Variants in TRAP1 observed in about 807,000 individuals in gnomAD.
TRAP1 encodes TNF receptor associated protein 1, also known as heat shock protein 75 kDa, mitochondrial.
TRAP1 carries 102 observed loss-of-function variants against 89.1 expected under a neutral mutation model. That is an observed-to-expected ratio of 1.15 (90% CI 0.98 to 1.35). The LOEUF is 1.35. TRAP1 is among the 40% of genes most tolerant of loss of function. The pLI, the probability that TRAP1 is intolerant of heterozygous loss-of-function variation, is 0.00. For synonymous variants in TRAP1, 508 were observed against 388.0 expected (o/e 1.31, Z -3.64); for missense variants, 1,256 against 945.3 (o/e 1.33, Z -4.31).
At chr16:3,682,420 C>T (rs2051084472) in intron 4 of TRAP1, among the ~76,000 whole-genome samples, 1 of 151,480 alleles carries the variant, frequency 6.6e-6, no homozygotes, top group African/African-American at 2.4e-5. Flanking sequence ...CTCGCTCTGT[C>T]ACGCAGGCTA....
At chr16:3,702,063 C>G (rs2051372800) in intron 1 of TRAP1, among the ~76,000 whole-genome samples, 1 of 152,082 alleles carries the variant, frequency 6.6e-6, no homozygotes, top group Non-Finnish European at 1.5e-5. Context: ...CAAAAATTAG[C>G]TGGGTGTGGT....
intron 3 of TRAP1, among the ~76,000 whole-genome samples, chr16:3,688,351 G>A (rs2051165962): frequency 6.6e-6 from 1 of 152,078 alleles, no homozygotes; most frequent in Non-Finnish European, 1.5e-5. Flanking sequence ...CATACACACA[G>A]GACTGGGGAA....
chr16:3,703,043 G>GAAAAA (rs36093237), intron 1 of TRAP1, among the ~76,000 whole-genome samples: 4 of 43,506 alleles, frequency 9.2e-5, no homozygotes, highest in Non-Finnish European at 1.7e-4. Context: ...ACTCCGTCTT[G>GAAAAA]AAAAAAAAAA....
At position 3,690,947 on chromosome 16, in the gene TRAP1, A is replaced by C; in HGVS notation, c.127T>G (p.Leu43Val). The C allele has an allele frequency of 1.9e-6, 3 of 1,580,386 alleles. No individual in the cohort carries two copies. The highest frequency in any genetic ancestry group is 2.6e-6 in the Non-Finnish European group (3 of 1,164,924). Residue 43 changes from leucine (L) to valine (V), a missense_variant, in exon 2 of 18, where the codon TTG becomes GTG. Leu to Val is a conservative substitution (Grantham distance 32). Transcript: ENST00000246957. ...CAGGCTGGGTTTCGCCTGGGGCCCAACTGGGCTGTGGTCCTCCGAGGACAC... is the reference window on the plus strand; with the variant it reads ...CAGGCTGGGTTTCGCCTGGGGCCCACCTGGGCTGTGGTCCTCCGAGGACAC... The part of the protein sequence containing the change: ...ILCPRRTTAQ[L>V]GPRRNPAWSL...
intron 12 of TRAP1, chr16:3,665,441 CAAT>C (rs1410224718): frequency 6.5e-6 from 1 of 154,204 alleles, no homozygotes; most frequent in Admixed American, 6.3e-5. Flanking sequence ...AGTTGTATCT[CAAT>C]AAAAAATGGA....
chr16:3,710,735 T>C (rs2051517168), intron 1 of TRAP1, among the ~76,000 whole-genome samples: 1 of 152,106 alleles, frequency 6.6e-6, no homozygotes, highest in Admixed American at 6.6e-5. Context: ...ACACACATAG[T>C]TACATTAGAA....
intron 11 of TRAP1, among the ~76,000 whole-genome samples, chr16:3,671,243 A>AG (rs1206340476): frequency 2.6e-5 from 4 of 152,228 alleles, no homozygotes. Flanking sequence ...GTGAGAGCAC[A>AG]GGTCACTTGA....
At position 3,666,092 on chromosome 16, in the gene TRAP1, C is replaced by T. The variant is rs2050824104; in HGVS notation, c.1262G>A (p.Arg421Lys). ...IRKLRDVLQQ[R>K]LIKFFIDQSK... The stretch of plus-strand genomic sequence containing the variant: ...CTGGTCAATGAAGAATTTGATCAGC[C>T]TCTGCTGTAAAACGTCCCGGAGTTT... The change falls in exon 12 of 18, where the codon AGG becomes AAG. Residue 421 changes from arginine (R) to lysine (K), a missense_variant. Transcript: ENST00000246957. 1 of 1,613,550 alleles carries T rather than the reference C, an allele frequency of 6.2e-7. No homozygotes were observed. Among genetic ancestry groups the T allele is most frequent in the Non-Finnish European group, 8.5e-7 (1 of 1,179,870 alleles).
chr16:3,690,270 T>G (rs2051195567), intron 2 of TRAP1, among the ~76,000 whole-genome samples: 1 of 152,172 alleles, frequency 6.6e-6, no homozygotes, highest in Non-Finnish European at 1.5e-5. Flanking sequence ...CCTCCCAAAG[T>G]GCTGGGATTA....
At chr16:3,674,715 C>T (rs1292444337) in intron 8 of TRAP1, 2 of 589,594 alleles carry the variant, frequency 3.4e-6, no homozygotes, top group South Asian at 4.1e-5. Context: ...CTCAGGACAA[C>T]ATGTCAGGAG....
chr16:3,678,903 T>C (rs771616743), intron 5 of TRAP1, among the ~76,000 whole-genome samples: 1 of 152,206 alleles, frequency 6.6e-6, no homozygotes, highest in African/African-American at 2.4e-5. Flanking sequence ...GCAAAGTCGA[T>C]TCCCTGAGCC....
At chr16:3,677,365 G>T in intron 6 of TRAP1, 133 bp downstream of exon 6, 1 of 1,220,448 alleles carries the variant, frequency 8.2e-7, no homozygotes, top group Non-Finnish European at 1.1e-6. Flanking sequence ...TCCCCAAAAT[G>T]GGAGAGTCAG....
At chr16:3,703,155 C>G (rs1448945307) in intron 1 of TRAP1, among the ~76,000 whole-genome samples, 1 of 150,886 alleles carries the variant, frequency 6.6e-6, no homozygotes, top group Non-Finnish European at 1.5e-5. Context: ...TAAGAGACCC[C>G]AGGAACAAAA....
intron 4 of TRAP1, among the ~76,000 whole-genome samples, chr16:3,683,566 A>AT (rs952453113): frequency 1.3e-5 from 2 of 151,510 alleles, no homozygotes; most frequent in African/African-American, 4.9e-5. Context: ...TTGTATTTTT[A>AT]TTAGAGATGG....
chr16:3,664,665 GGAAGCACCTCCTGC>G, intron 12 of TRAP1: 1 of 568,624 alleles, frequency 1.8e-6, no homozygotes, highest in Non-Finnish European at 3.0e-6. Context: ...TGGGGGCTTA[GGAAGCACCTCCTGC>G]CCCAGGTGGC....
At chr16:3,663,096 G>A (rs916141495) in intron 14 of TRAP1, 129 bp from the exon 15 acceptor site, 3 of 748,930 alleles carry the variant, frequency 4.0e-6, no homozygotes, top group Admixed American at 5.7e-5. Flanking sequence ...CTAGCAAGAT[G>A]CTTTTCATCT....
At chr16:3,683,431 G>A (rs2051098748) in intron 4 of TRAP1, among the ~76,000 whole-genome samples, 1 of 147,744 alleles carries the variant, frequency 6.8e-6, no homozygotes, top group African/African-American at 2.5e-5. Flanking sequence ...TGTTGCCCAA[G>A]CTAGAGTGCA....
At chr16:3,683,142 G>A (rs1198534331) in intron 4 of TRAP1, among the ~76,000 whole-genome samples, 4 of 151,432 alleles carry the variant, frequency 2.6e-5, no homozygotes, top group East Asian at 2.0e-4. Flanking sequence ...GCACTCCAGC[G>A]TGGGCAACAA....
chr16:3,688,880 C>T (rs2051173563), intron 3 of TRAP1, among the ~76,000 whole-genome samples, 175 bp downstream of exon 3: 1 of 152,158 alleles, frequency 6.6e-6, no homozygotes, highest in African/African-American at 2.4e-5. Flanking sequence ...ATCCAGGAAA[C>T]CAAAACAGAT....
Sources: allele counts gnomAD v4.1 joint callset (sites outside exome capture counted in the v4.1 genomes callset), GRCh38; gene constraint gnomAD v4.1.1; transcripts MANE v1.5; gene names NCBI Gene and HGNC (gene_info 2026-07-23, HGNC 2026-07-21).